ST6GALNAC6: variants seen among roughly 807,000 people sequenced by gnomAD.
ST6GALNAC6 encodes alpha-N-acetylgalactosaminide alpha-2,6-sialyltransferase 6.
A neutral mutation model predicts 34.3 loss-of-function variants in ST6GALNAC6; 19 were observed. The ratio of observed to expected loss-of-function variants is 0.55; its 90% CI spans 0.39 to 0.81. ST6GALNAC6 has a LOEUF of 0.81. Among genes scored for constraint, ST6GALNAC6 ranks in the 40% least tolerant of loss-of-function variants. The probability of loss-of-function intolerance (pLI) is 0.00; values close to 1 mark genes in which losing one functional copy is unlikely to be tolerated. For synonymous variants in ST6GALNAC6, 185 were observed against 182.1 expected (o/e 1.02, Z -0.13); for missense variants, 377 against 467.7 (o/e 0.81, Z 1.79).
upstream of ST6GALNAC6, chr9:127,902,990 C>CTTTTTTT (rs10551658): frequency 7.4e-5 from 4 of 54,120 alleles, no homozygotes; most frequent in Admixed American, 3.3e-4. Context: ...TTTTTGCTTG[C>CTTTTTTT]TTTTTTTTTT....
At chr9:127,901,155 A>G (rs111444042), upstream of ST6GALNAC6, among the ~76,000 whole-genome samples, 11 of 152,164 alleles carry the variant, frequency 7.2e-5, no homozygotes, top group African/African-American at 2.7e-4. Context: ...ATCCATCAAC[A>G]AGAGAATGGA....
chr9:127,906,181 C>T (rs1416673963), upstream of ST6GALNAC6: 6 of 205,248 alleles, frequency 2.9e-5, no homozygotes, highest in Non-Finnish European at 5.2e-5. Flanking sequence ...CCAGAGCCCC[C>T]GGGACTACTG....
At chr9:127,900,560 C>CAAAAAAAAAAAA, upstream of ST6GALNAC6, among the ~76,000 whole-genome samples, 1 of 44,170 alleles carries the variant, frequency 2.3e-5, no homozygotes, top group Non-Finnish European at 3.5e-5. Context: ...AACTCCGTCT[C>CAAAAAAAAAAAA]AAAAAAAAAA....
At chr9:127,898,370 C>A (rs998204181) in intron 1 of ST6GALNAC6, among the ~76,000 whole-genome samples, 3 of 151,338 alleles carry the variant, frequency 2.0e-5, no homozygotes, top group Admixed American at 6.6e-5. Flanking sequence ...TCCAGCCTGG[C>A]GACAGAGCGA....
chr9:127,896,817 G>A, intron 2 of ST6GALNAC6: 1 of 972,986 alleles, frequency 1.0e-6, no homozygotes, highest in Non-Finnish European at 1.2e-6. Context: ...GCATGGACCA[G>A]GAACTCCCCT....
intron 3 of ST6GALNAC6, among the ~76,000 whole-genome samples, chr9:127,895,417 G>A (rs1830391565): frequency 6.6e-6 from 1 of 152,180 alleles, no homozygotes; most frequent in Non-Finnish European, 1.5e-5. Flanking sequence ...CCGAAGTCCA[G>A]CTCCTACAGT....
intron 3 of ST6GALNAC6, 97 bp downstream of exon 3, chr9:127,896,145 A>T: frequency 1.5e-6 from 2 of 1,378,724 alleles, no homozygotes; most frequent in South Asian, 2.3e-5. Flanking sequence ...GGAAGAAGAG[A>T]CTCGTGGTGG....
chr9:127,895,747 C>A (rs1009101110), intron 3 of ST6GALNAC6, among the ~76,000 whole-genome samples: 6 of 152,206 alleles, frequency 3.9e-5, no homozygotes, highest in Non-Finnish European at 8.8e-5. Flanking sequence ...AAACCTCAGG[C>A]TCCACCAAGG....
intron 3 of ST6GALNAC6, 138 bp from the exon 4 acceptor site, chr9:127,894,829 T>C (rs1367604487): frequency 2.4e-6 from 2 of 834,518 alleles, no homozygotes; most frequent in Non-Finnish European, 3.7e-6. Flanking sequence ...CAGGAAGGCC[T>C]CCTTCAGCCA....
At chr9:127,894,796 A>T in intron 3 of ST6GALNAC6, 105 bp from the exon 4 acceptor site, 1 of 1,341,774 alleles carries the variant, frequency 7.5e-7, no homozygotes, top group Non-Finnish European at 1.0e-6. Context: ...TTTGTTGCAG[A>T]CCAGGTCAGG....
At chr9:127,900,043 G>A (rs1237189703), upstream of ST6GALNAC6, among the ~76,000 whole-genome samples, 1 of 152,226 alleles carries the variant, frequency 6.6e-6, no homozygotes, top group African/African-American at 2.4e-5. Context: ...TTCGCCAGCT[G>A]CGCAGCCTTA....
intron 4 of ST6GALNAC6, 51 bp from the exon 5 acceptor site, chr9:127,891,094 G>A (rs780510960): frequency 9.4e-5 from 149 of 1,587,526 alleles, no homozygotes; most frequent in Non-Finnish European, 1.2e-4. Context: ...TGCTGGCCCT[G>A]TGCTCCATAC....
upstream of ST6GALNAC6, among the ~76,000 whole-genome samples, chr9:127,906,541 C>T (rs1205351015): frequency 6.6e-6 from 1 of 152,220 alleles, no homozygotes; most frequent in Non-Finnish European, 1.5e-5. Flanking sequence ...AGCCGCTCCA[C>T]AGTTGTCCGG....
In ST6GALNAC6 at chr9:127,896,152, G is replaced by A. The variant is rs1013534494; in HGVS notation, c.117+90C>T. 3.0e-5 allele frequency: 43 copies of A among 1,426,028 alleles called. No individual in the cohort carries two copies. In the South Asian group the frequency reaches 3.3e-4, roughly 11 times the overall value. 88.3% of individuals were successfully genotyped at this position (1,426,028 alleles called of 1,614,324 possible). A position where few individuals can be genotyped will look rare whatever the true frequency, so the allele number is the denominator to read the frequency against. ...TCTTGCGGGGAAGAAGAGACTCGTG[G>A]TGGCTGGGGTCTGAGACAGGTCCAA... On this transcript the variant is annotated intron_variant, in intron 3 of 6. Coordinates refer to ENST00000373146, the MANE Select transcript of ST6GALNAC6 (RefSeq NM_013443.5).
intron 1 of ST6GALNAC6, chr9:127,905,021 G>A (rs1830881041): frequency 5.7e-6 from 1 of 174,656 alleles, no homozygotes; most frequent in Middle Eastern, 3.0e-3. Flanking sequence ...AGGCCCCTTA[G>A]GACACCTCTG....
intron 1 of ST6GALNAC6, chr9:127,899,242 G>C (rs1208381900): frequency 6.5e-6 from 1 of 153,192 alleles, no homozygotes; most frequent in Non-Finnish European, 1.5e-5. Context: ...CCTAACCCCA[G>C]CTGGGAAGAA....
At chr9:127,899,438 CCT>C in intron 1 of ST6GALNAC6, 63 bp downstream of exon 1, 1 of 779,968 alleles carries the variant, frequency 1.3e-6, no homozygotes, top group Non-Finnish European at 1.6e-6. Flanking sequence ...CTCCCGGCGC[CCT>C]CCGCCCCAGC....
At chr9:127,892,147 A>C in intron 4 of ST6GALNAC6, among the ~76,000 whole-genome samples, 1 of 152,156 alleles carries the variant, frequency 6.6e-6, no homozygotes, top group East Asian at 1.9e-4. Flanking sequence ...GCGAAACTCC[A>C]TCTCAAAAAA....
chr9:127,894,547 T>A lies in ST6GALNAC6; in HGVS notation c.262A>T (p.Ile88Phe). ...AGAATGGGGACATAGCCGTCAGTGA[T>A]GCTCCACTTCTTGAGGTTGACAGGT... ...RRPVNLKKWS[I>F]TDGYVPILGN... Residue 88 changes from isoleucine to phenylalanine, a missense_variant, in exon 4 of 7, where the codon ATC (isoleucine) becomes TTC (phenylalanine). Ile to Phe is a conservative substitution (Grantham distance 21). Coordinates refer to ENST00000373146, the MANE Select transcript of ST6GALNAC6 (RefSeq NM_013443.5). 1.2e-6 allele frequency: 2 copies of A among 1,614,152 alleles called. No homozygotes were observed. The highest frequency in any genetic ancestry group is 1.7e-6 in the Non-Finnish European group (2 of 1,180,028).
Sources: allele counts gnomAD v4.1 joint callset (sites outside exome capture counted in the v4.1 genomes callset), GRCh38; gene constraint gnomAD v4.1.1; transcripts MANE v1.5; gene names NCBI Gene and HGNC (gene_info 2026-07-23, HGNC 2026-07-21).